SPTBN2: variants seen among roughly 807,000 people sequenced by gnomAD.
The protein encoded by SPTBN2 is spectrin beta, non-erythrocytic 2.
In SPTBN2, 107 loss-of-function variants were observed where a neutral mutation model predicts 284.2. The ratio of observed to expected loss-of-function variants is 0.38; its 90% confidence interval spans 0.32 to 0.44. The LOEUF (loss-of-function observed/expected upper bound fraction) is 0.44, where lower values mean the gene tolerates loss of function less well. SPTBN2 is among the 20% of genes least tolerant of loss of function. The pLI, the probability that SPTBN2 is intolerant of heterozygous loss-of-function variation, is 1.00. For synonymous variants in SPTBN2, 1,289 were observed against 1,354.8 expected, an observed-to-expected ratio of 0.95 and a Z score of 1.07; for missense variants, 2,569 against 3,287.1, an observed-to-expected ratio of 0.78 and a Z score of 5.34.
rs1366214614 is a variant in SPTBN2 at position 66,693,687 on chromosome 11, AG to A, written c.4593+84del. ...AAGTCCAGGGTTACACTCAGCATCG[AG>A]GGGGGCCTGGTCTTAAGAAAAAACA... is the stretch of plus-strand genomic sequence containing the variant. On this transcript the variant is annotated intron_variant, in intron 23 of 37. Coordinates refer to ENST00000533211, the MANE Select transcript of SPTBN2 (RefSeq NM_006946.4). This position sits in a 1 kb window ranked among gnomAD's most constrained non-coding sequence, Gnocchi z 5.7. 5.0e-6 allele frequency: 7 copies of A among 1,401,112 alleles called. No individual in the cohort carries two copies. The East Asian group carries it at 9.9e-5, about 20-fold the overall frequency. The allele number at this position is 1,401,112 out of a possible 1,614,324, so 86.8% of individuals were successfully genotyped here. A position where few individuals can be genotyped will look rare whatever the true frequency, so the allele number is the denominator to read the frequency against.
chr11:66,723,281 AC>A (rs1213022583), intron 1 of SPTBN2, among the ~76,000 whole-genome samples: 1 of 151,680 alleles, frequency 6.6e-6, no homozygotes, highest in Non-Finnish European at 1.5e-5. Flanking sequence ...GGAGGAGGGG[AC>A]TGGGTCTGTA....
At chr11:66,713,570 A>AC in intron 8 of SPTBN2, 61 bp downstream of exon 8, 2 of 1,380,694 alleles carry the variant, frequency 1.4e-6, no homozygotes, top group Non-Finnish European at 2.1e-6. Flanking sequence ...GCCCCTGGCA[A>AC]CCACTGGTCC....
Position 66,701,040 on chromosome 11 carries a change from C to T in SPTBN2, c.3059G>A (p.Arg1020Gln), listed in dbSNP as rs758312194. The T allele has an allele frequency of 9.7e-5, 156 of 1,609,182 alleles. No homozygotes were observed. Among genetic ancestry groups the T allele is most frequent in the Middle Eastern group, 1.6e-4 (1 of 6,072 alleles). Residue 1020 changes from arginine to glutamine, a missense_variant, in exon 17 of 38, where the codon CGA (arginine) becomes CAA (glutamine). Arg to Gln is a conservative substitution (Grantham distance 43, BLOSUM62 1). This residue lies in a region of SPTBN2 where 1,012 missense variants were observed against 1,248.9 expected (regional missense o/e 0.81). Transcript: ENST00000533211. ...GCCGGCAGCCAGGGCATTTGCCTCT[C>T]GAGTCAGTTCGCCCACCCGGGCGGC... is the stretch of plus-strand genomic sequence containing the variant. The part of the protein sequence containing the change: ...AIAARVGELT[R>Q]EANALAAGHP...
intron 26 of SPTBN2, among the ~76,000 whole-genome samples, chr11:66,692,249 T>G (rs945508361): frequency 6.6e-6 from 1 of 152,030 alleles, no homozygotes; most frequent in Non-Finnish European, 1.5e-5. Context: ...AAAAAAAAAT[T>G]TTTTTTGTAG....
In SPTBN2 at chr11:66,701,578, AC is replaced by A; in HGVS notation, c.2816+5del. ...CAGTTTCCTGGTCCTGCCCTCCCAA[AC>A]CCACCTGTGGTTGAGCTGCTCCTGG... On this transcript the variant is annotated splice_donor_5th_base_variant and intron_variant, in intron 16 of 37. Transcript: ENST00000533211. 1 of 1,612,108 alleles carries A rather than the reference AC, an allele frequency of 6.2e-7. No homozygotes were observed. The highest frequency in any genetic ancestry group is 1.1e-5 in the South Asian group (1 of 91,012).
chr11:66,706,458 C>T (rs1451214275), intron 13 of SPTBN2, among the ~76,000 whole-genome samples: 4 of 152,116 alleles, frequency 2.6e-5, no homozygotes, highest in Non-Finnish European at 5.9e-5. Context: ...AGCCTCCTGA[C>T]TAGCTGGGAT....
intron 1 of SPTBN2, among the ~76,000 whole-genome samples, chr11:66,740,553 G>C (rs961907299): frequency 6.6e-5 from 10 of 152,120 alleles, no homozygotes; most frequent in African/African-American, 2.2e-4. Flanking sequence ...AAGGTGAAGG[G>C]ATGAGCTAAT....
In SPTBN2 at chr11:66,714,194, T is replaced by C. The variant is rs186405925; in HGVS notation, c.576-23A>G. 5 of 1,613,268 alleles carry C rather than the reference T, an allele frequency of 3.1e-6. No homozygotes were observed. The African/African-American group carries it at 4.0e-5, about 13-fold the overall frequency. On this transcript the variant is annotated intron_variant, in intron 6 of 37. Coordinates refer to ENST00000533211, the MANE Select transcript of SPTBN2 (RefSeq NM_006946.4). Reference sequence around the variant, plus strand: ...TAACTATAAACAGAGATTCAGAAAATGGTGAGTAGGGCTGAGCTCTGTTCT... The same window carrying C: ...TAACTATAAACAGAGATTCAGAAAACGGTGAGTAGGGCTGAGCTCTGTTCT...
rs116224784 is a variant in SPTBN2 at position 66,703,293 on chromosome 11, G to A, written c.2678+1305C>T. 7.0e-3 allele frequency among the ~76,000 whole-genome samples: 1,058 copies of A among 152,098 alleles called. 11 individuals carry two copies. The highest frequency in any genetic ancestry group is 0.024 in the African/African-American group (986 of 41,498). The stretch of plus-strand genomic sequence containing the variant: ...GGTGGAGTCTCACTATGTTGCCCAG[G>A]CTGGTTATGAACTCTTGGAATCAAG... On this transcript the variant is annotated intron_variant, in intron 15 of 37. Coordinates refer to ENST00000533211, the MANE Select transcript of SPTBN2 (RefSeq NM_006946.4).
Position 66,699,033 on chromosome 11 carries a change from C to T in SPTBN2, c.3826G>A (p.Asp1276Asn), listed in dbSNP as rs1268477916. Residue 1276 changes from aspartate to asparagine, a missense_variant, in exon 19 of 38, where the codon GAC (aspartate) becomes AAC (asparagine). Coordinates refer to ENST00000533211, the MANE Select transcript of SPTBN2 (RefSeq NM_006946.4). ...AAQQFLGRLRDNREQQHFLQD... is the reference protein window; with the variant it reads ...AAQQFLGRLRNNREQQHFLQD... The stretch of plus-strand genomic sequence containing the variant: ...AGGAAATGCTGCTGCTCCCGGTTGT[C>T]CCGAAGACGGCCCAGAAATTGCTGC... 6 of 1,614,230 alleles carry T rather than the reference C, an allele frequency of 3.7e-6. No individual in the cohort carries two copies. Among genetic ancestry groups the T allele is most frequent in the Non-Finnish European group, 5.1e-6 (6 of 1,180,038 alleles).
intron 1 of SPTBN2, among the ~76,000 whole-genome samples, chr11:66,740,289 C>T (rs988998362): frequency 2.0e-5 from 3 of 152,070 alleles, no homozygotes; most frequent in Admixed American, 6.6e-5. Context: ...ACGAAATACT[C>T]GAGTTATATA....
At chr11:66,692,457 G>A (rs2135349805) in intron 26 of SPTBN2, 79 bp downstream of exon 26, 1 of 1,546,018 alleles carries the variant, frequency 6.5e-7, no homozygotes. Flanking sequence ...TGCTCTGCCT[G>A]GGACTAGGTC....
Position 66,707,862 on chromosome 11 carries a change from G to A in SPTBN2, c.1351-44C>T, listed in dbSNP as rs376426866. 65 of 1,598,330 alleles carry A rather than the reference G, an allele frequency of 4.1e-5. No homozygotes were observed. In the African/African-American group the frequency reaches 7.1e-4, roughly 17 times the overall value. ...GAGGAGGTGTGGGGACCAAGGGACA[G>A]TGCCTCTGCCTGCTCCTCTGTCCTG... On this transcript the variant is annotated intron_variant, in intron 12 of 37. Transcript: ENST00000533211. The surrounding 1 kb of genome is among the most constrained non-coding windows in gnomAD (Gnocchi z 4.9).
intron 1 of SPTBN2, among the ~76,000 whole-genome samples, chr11:66,724,355 G>A (rs1043510272): frequency 6.6e-5 from 10 of 152,138 alleles, no homozygotes; most frequent in Non-Finnish European, 1.5e-4. Context: ...CCCAGGAGGT[G>A]GAGGTTGCAG....
intron 21 of SPTBN2, 96 bp downstream of exon 21, chr11:66,696,181 T>C: frequency 1.4e-6 from 2 of 1,456,174 alleles, no homozygotes; most frequent in Non-Finnish European, 1.9e-6. Context: ...CTAGTGAAGG[T>C]GTTATCTGCC....
Position 66,705,019 on chromosome 11 carries a change from G to A in SPTBN2, c.2257C>T (p.Gln753Ter). 6.2e-7 allele frequency: 1 copy of A among 1,603,214 alleles called. No homozygotes were observed. The highest frequency in any genetic ancestry group is 8.5e-7 in the Non-Finnish European group (1 of 1,179,712). The change falls in exon 15 of 38, where the codon CAG (glutamine) becomes TAG (stop). Residue 753 changes from glutamine (Q) to a stop codon, truncating the protein, a stop_gained. Coordinates refer to ENST00000533211, the MANE Select transcript of SPTBN2 (RefSeq NM_006946.4). LOFTEE classifies it high-confidence loss of function. ...LAQAASLYQF[Q>*]ADANDMEAWL... Reference sequence around the variant, plus strand: ...GCCTCCATGTCGTTTGCATCGGCCTGGAACTGGTAGAGGCTGGCGGCTTGG... The same window carrying A: ...GCCTCCATGTCGTTTGCATCGGCCTAGAACTGGTAGAGGCTGGCGGCTTGG...
chr11:66,709,952 T>G (rs544844284), intron 10 of SPTBN2, among the ~76,000 whole-genome samples: 6 of 152,246 alleles, frequency 3.9e-5, no homozygotes, highest in Non-Finnish European at 8.8e-5. Flanking sequence ...CCCTCTATCC[T>G]ATGCTAGGAT....
intron 1 of SPTBN2, among the ~76,000 whole-genome samples, chr11:66,742,318 G>A (rs914084532): frequency 3.3e-5 from 5 of 152,168 alleles, no homozygotes; most frequent in South Asian, 4.1e-4. Flanking sequence ...TTTACGCTAC[G>A]GAAGTCCTGA....
intron 1 of SPTBN2, among the ~76,000 whole-genome samples, chr11:66,740,329 T>G (rs1293182234): frequency 6.6e-6 from 1 of 152,108 alleles, no homozygotes; most frequent in Non-Finnish European, 1.5e-5. Context: ...GAAAAGAATC[T>G]CTCTTTTCCC....
Sources: gnomAD v4.1 joint callset for allele counts (sites outside exome capture counted in the v4.1 genomes callset) on GRCh38, gnomAD v4.1.1 for gene constraint, gnomAD v4.1.1 regional missense constraint, Gnocchi (gnomAD v3.1) non-coding constraint, MANE v1.5 for transcripts, NCBI Gene and HGNC (gene_info 2026-07-23, HGNC 2026-07-21) for gene names.